Variants in RAB3GAP2 observed in about 807,000 individuals in gnomAD.
The protein encoded by RAB3GAP2 is RAB3 GTPase activating non-catalytic protein subunit 2.
In RAB3GAP2, 87 loss-of-function variants were observed where a neutral mutation model predicts 185.3. That is an observed-to-expected ratio of 0.47 (90% CI 0.39 to 0.56). The LOEUF (loss-of-function observed/expected upper bound fraction) is 0.56. Among genes scored for constraint, RAB3GAP2 ranks in the 20% least tolerant of loss-of-function variants. RAB3GAP2 has a pLI of 0.00. For synonymous variants in RAB3GAP2, 554 were observed against 576.1 expected (o/e 0.96, Z 0.55); for missense variants, 1,492 against 1,638.2 (o/e 0.91, Z 1.54).
chr1:220,224,650 C>T (rs1396525444), intron 2 of RAB3GAP2, among the ~76,000 whole-genome samples: 3 of 152,028 alleles, frequency 2.0e-5, no homozygotes, highest in Non-Finnish European at 2.9e-5. Context: ...TAAAAGAATT[C>T]TTTTTAAAGG....
chr1:220,272,345 G>A lies in RAB3GAP2; in HGVS notation c.-8C>T, dbSNP rs762785140. On this transcript the variant is annotated 5_prime_UTR_variant, in exon 1 of 35. Coordinates refer to ENST00000358951, the MANE Select transcript of RAB3GAP2 (RefSeq NM_012414.4). ...GACAATGGAGCAGGCCATGGCTCCA[G>A]GGAACCCCACTACGGCACTCACCTT... 2.1e-5 allele frequency: 33 copies of A among 1,596,290 alleles called. No homozygotes were observed. Among genetic ancestry groups the A allele is most frequent in the Non-Finnish European group, 1.7e-5 (20 of 1,168,018 alleles).
chr1:220,166,540 T>C (rs966756212), intron 26 of RAB3GAP2, among the ~76,000 whole-genome samples: 4 of 152,224 alleles, frequency 2.6e-5, no homozygotes, highest in Admixed American at 6.5e-5. Context: ...AGAGATTCAG[T>C]GGCCCTCTTG....
At chr1:220,195,028 A>C (rs1237105471) in intron 12 of RAB3GAP2, 50 bp downstream of exon 12, 5 of 1,528,744 alleles carry the variant, frequency 3.3e-6, no homozygotes, top group Non-Finnish European at 4.5e-6. Context: ...CCATACATTT[A>C]ACAGTACCTT....
At chr1:220,247,772 C>T (rs940790978) in intron 1 of RAB3GAP2, among the ~76,000 whole-genome samples, 4 of 152,038 alleles carry the variant, frequency 2.6e-5, no homozygotes, top group African/African-American at 7.2e-5. Flanking sequence ...AGAAAACATA[C>T]AGACTATACT....
intron 17 of RAB3GAP2, among the ~76,000 whole-genome samples, chr1:220,187,682 G>C (rs527358274): frequency 2.6e-5 from 4 of 152,170 alleles, no homozygotes; most frequent in South Asian, 4.1e-4. Context: ...AGAGGTTCCT[G>C]AATAGTGGCT....
intron 4 of RAB3GAP2, among the ~76,000 whole-genome samples, chr1:220,211,730 C>T (rs1659088919): frequency 6.6e-6 from 1 of 152,198 alleles, no homozygotes; most frequent in South Asian, 2.1e-4. Flanking sequence ...ATCCAAAAAA[C>T]TATAAACACT....
At chr1:220,189,491 TTAC>T (rs1233698170) in intron 17 of RAB3GAP2, among the ~76,000 whole-genome samples, 1 of 149,150 alleles carries the variant, frequency 6.7e-6, no homozygotes, top group East Asian at 2.0e-4. Context: ...AGTGCTAGGA[TTAC>T]AGTTACAGGC....
rs948139512 is a variant in RAB3GAP2, at chr1:220,149,267, C to T, written c.*1984G>A. The T allele has an allele frequency of 6.6e-6, 1 of 152,044 alleles. No homozygotes were observed. Among genetic ancestry groups the T allele is most frequent in the African/African-American group, 2.4e-5 (1 of 41,402 alleles). The allele number at this position is 152,044 out of a possible 1,614,324, so 9.4% of individuals were successfully genotyped here. On this transcript the variant is annotated 3_prime_UTR_variant, in exon 35 of 35. Transcript: ENST00000358951. ...AAAAATTTTAGGATAACAAATCTAA[C>T]TAGAGACTTAATGATTTGTGTTAGG...
At chr1:220,187,299 C>T (rs1248866741) in intron 17 of RAB3GAP2, among the ~76,000 whole-genome samples, 1 of 152,144 alleles carries the variant, frequency 6.6e-6, no homozygotes, top group Non-Finnish European at 1.5e-5. Context: ...AGCTCTTAAT[C>T]CCTTTGTAGA....
At chr1:220,175,100 G>C (rs1177742314) in intron 21 of RAB3GAP2, among the ~76,000 whole-genome samples, 1 of 152,068 alleles carries the variant, frequency 6.6e-6, no homozygotes, top group Admixed American at 6.5e-5. Flanking sequence ...GAAATGTTGG[G>C]GGAGAGCAGA....
intron 21 of RAB3GAP2, among the ~76,000 whole-genome samples, chr1:220,177,077 C>A (rs1008613486): frequency 6.6e-6 from 1 of 152,240 alleles, no homozygotes; most frequent in African/African-American, 2.4e-5. Flanking sequence ...CCTGTGCAGA[C>A]ACCTGCTGGG....
chr1:220,177,340 G>A (rs1658311218), intron 21 of RAB3GAP2, among the ~76,000 whole-genome samples: 1 of 152,230 alleles, frequency 6.6e-6, no homozygotes, highest in Admixed American at 6.5e-5. Flanking sequence ...TCTGAGGAAG[G>A]TCAAGTACAA....
rs1477661722 is a variant in RAB3GAP2 at position 220,151,154 on chromosome 1, T to C, written c.*97A>G. 4.6e-6 allele frequency: 6 copies of C among 1,294,620 alleles called. No homozygotes were observed. The African/African-American group carries it at 7.5e-5, about 16-fold the overall frequency. The allele number at this position is 1,294,620 out of a possible 1,614,324, so 80.2% of individuals were successfully genotyped here. On this transcript the variant is annotated 3_prime_UTR_variant, in exon 35 of 35. Coordinates refer to ENST00000358951, the MANE Select transcript of RAB3GAP2 (RefSeq NM_012414.4). ...TTTTACAAAAGGAAAAAAAAAGACATACTTTTCCCATAAAATTCCAGGTCT... is the reference window on the plus strand; with the variant it reads ...TTTTACAAAAGGAAAAAAAAAGACACACTTTTCCCATAAAATTCCAGGTCT...
At chr1:220,235,401 T>C (rs1419341423) in intron 1 of RAB3GAP2, among the ~76,000 whole-genome samples, 2 of 152,192 alleles carry the variant, frequency 1.3e-5, no homozygotes, top group South Asian at 2.1e-4. Flanking sequence ...TCTCTTACAT[T>C]AGAAAGCAAA....
At position 220,164,823 on chromosome 1, in the gene RAB3GAP2, G is replaced by A. The variant is rs761063178; in HGVS notation, c.3088-24C>T. The A allele has an allele frequency of 2.1e-5, 34 of 1,593,446 alleles. No homozygotes were observed. The East Asian group carries it at 4.0e-4, about 19-fold the overall frequency. Reference sequence around the variant, plus strand: ...TCCTTACATACAGGGAGAAAAAAACGAGAAAGAAAAAGAGGTATCATTTAA... The same window carrying A: ...TCCTTACATACAGGGAGAAAAAAACAAGAAAGAAAAAGAGGTATCATTTAA... On this transcript the variant is annotated intron_variant, in intron 26 of 34. Coordinates refer to ENST00000358951, the MANE Select transcript of RAB3GAP2 (RefSeq NM_012414.4).
At chr1:220,164,934 A>T (rs1317393571) in intron 26 of RAB3GAP2, 135 bp from the exon 27 acceptor site, 1 of 833,690 alleles carries the variant, frequency 1.2e-6, no homozygotes, top group Non-Finnish European at 1.9e-6. Flanking sequence ...ACATGAAATT[A>T]TTGGATAAGA....
rs905386972 is a variant in RAB3GAP2, at chr1:220,149,978, T to C, written c.*1273A>G. ...CACAATGACTTACTATGAATAATAATTGTGATCCATGACAGATACCCATAA... is the reference window on the plus strand; with the variant it reads ...CACAATGACTTACTATGAATAATAACTGTGATCCATGACAGATACCCATAA... On this transcript the variant is annotated 3_prime_UTR_variant, in exon 35 of 35. Coordinates refer to ENST00000358951, the MANE Select transcript of RAB3GAP2 (RefSeq NM_012414.4). 6.6e-6 allele frequency: 1 copy of C among 152,186 alleles called. No individual in the cohort carries two copies. The highest frequency in any genetic ancestry group is 1.5e-5 in the Non-Finnish European group (1 of 68,034). The allele number at this position is 152,186 out of a possible 1,614,324, so 9.4% of individuals were successfully genotyped here.
At chr1:220,203,263 T>C (rs949208358) in intron 8 of RAB3GAP2, among the ~76,000 whole-genome samples, 1 of 152,220 alleles carries the variant, frequency 6.6e-6, no homozygotes, top group Non-Finnish European at 1.5e-5. Context: ...CAGTTACATC[T>C]CTTGCCATAG....
At chr1:220,188,691 T>C (rs940885437) in intron 17 of RAB3GAP2, among the ~76,000 whole-genome samples, 1 of 152,192 alleles carries the variant, frequency 6.6e-6, no homozygotes, top group African/African-American at 2.4e-5. Context: ...CTCTTAGGTA[T>C]AAACGCCAGA....
Sources: gnomAD v4.1 joint callset for allele counts (sites outside exome capture counted in the v4.1 genomes callset) on GRCh38, gnomAD v4.1.1 for gene constraint, MANE v1.5 for transcripts, NCBI Gene and HGNC (gene_info 2026-07-23, HGNC 2026-07-21) for gene names.